FUT8: variants seen among roughly 807,000 people sequenced by gnomAD.
FUT8 encodes the protein alpha-(1,6)-fucosyltransferase.
FUT8 carries 29 observed loss-of-function variants against 71.3 expected under a neutral mutation model. The observed-to-expected ratio is 0.41, with a 90% CI of 0.30 to 0.55. FUT8 has a LOEUF of 0.55. Ranked by LOEUF, FUT8 falls within the 20% of genes least tolerant of loss-of-function variation. The pLI is 0.34. For missense variants in FUT8, 544 were observed against 702.1 expected (o/e 0.77, Z 2.55); for synonymous variants, 254 against 239.3 (o/e 1.06, Z -0.57).
the FUT8 span, among the ~76,000 whole-genome samples, chr14:65,378,307 C>T: frequency 8.7e-4 from 132 of 152,148 alleles, no homozygotes; most frequent in Non-Finnish European, 1.6e-3. Context: ...TTCTTTAACC[C>T]GAGGCACCAG....
At chr14:65,469,430 G>A (rs2139623282) in intron 2 of FUT8, among the ~76,000 whole-genome samples, 1 of 152,290 alleles carries the variant, frequency 6.6e-6, no homozygotes, top group Admixed American at 6.5e-5. Flanking sequence ...TGTTTGTTCT[G>A]GCTGTGGTAT....
chr14:65,564,974 A>AATC (rs1886112899), intron 3 of FUT8, among the ~76,000 whole-genome samples: 1 of 151,994 alleles, frequency 6.6e-6, no homozygotes, highest in Non-Finnish European at 1.5e-5. Flanking sequence ...GACACTGGAT[A>AATC]GTTTATAGAG....
chr14:65,404,568 C>T, the FUT8 span, among the ~76,000 whole-genome samples: 1 of 151,984 alleles, frequency 6.6e-6, no homozygotes, highest in Non-Finnish European at 1.5e-5. Flanking sequence ...CTCTGCCTCC[C>T]GGGTCAAGCA....
chr14:65,532,326 A>G (rs1884009323), intron 2 of FUT8, among the ~76,000 whole-genome samples: 1 of 152,156 alleles, frequency 6.6e-6, no homozygotes, highest in South Asian at 2.1e-4. Context: ...GACTAATGTG[A>G]GATGGTATAT....
At chr14:65,608,722 C>G (rs1888719200) in intron 3 of FUT8, among the ~76,000 whole-genome samples, 1 of 151,862 alleles carries the variant, frequency 6.6e-6, no homozygotes, top group Non-Finnish European at 1.5e-5. Context: ...ACAGGAAACC[C>G]TAGTGATTAG....
At chr14:65,704,040 C>T (rs1594918130) in intron 7 of FUT8, among the ~76,000 whole-genome samples, 1 of 152,084 alleles carries the variant, frequency 6.6e-6, no homozygotes, top group African/African-American at 2.4e-5. Flanking sequence ...GGGTATTGAC[C>T]TTTACGTATA....
chr14:65,452,141 C>T (rs2065837035), intron 1 of FUT8, among the ~76,000 whole-genome samples: 1 of 152,096 alleles, frequency 6.6e-6, no homozygotes, highest in South Asian at 2.1e-4. Context: ...CCTATTTATG[C>T]TTCTTTGCTT....
At chr14:65,557,633 T>C (rs1212335179) in intron 2 of FUT8, among the ~76,000 whole-genome samples, 1 of 131,276 alleles carries the variant, frequency 7.6e-6, no homozygotes, top group East Asian at 2.1e-4. Flanking sequence ...GCCCAGCCAA[T>C]TTTGTCTCTT....
At position 65,528,350 on chromosome 14, in the gene FUT8, G is replaced by A. The variant is rs145967881; in HGVS notation, c.-227-32987G>A. ...CGTGGACATGGGACCCTCCGAGCCA[G>A]GCGCGGGATATAATCTCCCGGTGTG... On this transcript the variant is annotated intron_variant, in intron 2 of 10. Transcript: ENST00000673929. 3.2e-3 allele frequency among the ~76,000 whole-genome samples: 495 copies of A among 152,360 alleles called. 2 individuals carry two copies. In the East Asian group the frequency reaches 0.035, roughly 11 times the overall value.
chr14:65,412,203 TG>T (rs1369018025), upstream of FUT8: 1 of 456,694 alleles, frequency 2.2e-6, no homozygotes, highest in Admixed American at 2.3e-5. Context: ...CTGAGTCTCC[TG>T]GGGGAGCGAT....
intron 6 of FUT8, among the ~76,000 whole-genome samples, chr14:65,666,497 C>T (rs911279116): frequency 5.9e-5 from 9 of 152,138 alleles, no homozygotes; most frequent in African/African-American, 2.2e-4. Flanking sequence ...AATTCATACC[C>T]TGAACAGACC....
At position 65,625,305 on chromosome 14, in the gene FUT8, CTT is replaced by C. The variant is rs575415044; in HGVS notation, c.483-4184_483-4183del. ...CCTATAGCCCTATTATAGTTAAAGACTTTTGTGTTTCCATGAGCAACTCACAA... is the reference window on the plus strand; with the variant it reads ...CCTATAGCCCTATTATAGTTAAAGACTTGTGTTTCCATGAGCAACTCACAA... On this transcript the variant is annotated intron_variant, in intron 5 of 10. Coordinates refer to ENST00000673929, the MANE Select transcript of FUT8 (RefSeq NM_001371533.1). Among the ~76,000 whole-genome samples, 229 of 152,182 alleles carry C rather than the reference CTT, an allele frequency of 1.5e-3. 1 individual carries two copies. Among genetic ancestry groups the C allele is most frequent in the African/African-American group, 5.0e-3 (208 of 41,538 alleles).
At position 65,467,168 on chromosome 14, in the gene FUT8, G is replaced by A. The variant is rs1187094714; in HGVS notation, c.-228+11450G>A. On this transcript the variant is annotated intron_variant, in intron 2 of 10. Transcript: ENST00000673929. The surrounding 1 kb of genome is among the most constrained non-coding windows in gnomAD (Gnocchi z 4.1). ...ATTTCTTGCAAGTCATGTTTATTGG[G>A]TTTCATTTCTCCCAGTTTTTATTTC... Among the ~76,000 whole-genome samples the A allele has an allele frequency of 5.9e-5, 9 of 151,880 alleles. No homozygotes were observed. The East Asian group carries it at 1.7e-3, about 29-fold the overall frequency.
chr14:65,713,520 C>T (rs1443813576), intron 7 of FUT8, among the ~76,000 whole-genome samples: 2 of 152,158 alleles, frequency 1.3e-5, no homozygotes, highest in East Asian at 3.8e-4. Flanking sequence ...TTCCCACCAA[C>T]AGTGTATGAG....
At chr14:65,651,526 A>AT (rs1281639451) in intron 6 of FUT8, among the ~76,000 whole-genome samples, 1 of 152,224 alleles carries the variant, frequency 6.6e-6, no homozygotes, top group Non-Finnish European at 1.5e-5. Flanking sequence ...AACCAAGAAA[A>AT]TCTTAATTCG....
chr14:65,650,707 CAA>C (rs57971519), intron 6 of FUT8, among the ~76,000 whole-genome samples: 20,011 of 119,302 alleles, frequency 0.17, 1,777 homozygotes, highest in East Asian at 0.45. Flanking sequence ...CTGCTAATTA[CAA>C]AAAAAAAAAA....
At chr14:65,394,248 T>A in the FUT8 span, among the ~76,000 whole-genome samples, 12 of 152,214 alleles carry the variant, frequency 7.9e-5, no homozygotes, top group African/African-American at 2.9e-4. Flanking sequence ...CATGAGCCAC[T>A]GTGCCTGGCC....
intron 2 of FUT8, among the ~76,000 whole-genome samples, chr14:65,514,824 A>C (rs1025310821): frequency 1.3e-5 from 2 of 152,112 alleles, no homozygotes; most frequent in Admixed American, 1.3e-4. Flanking sequence ...TCATCAAATC[A>C]CTTCTTTACC....
upstream of FUT8, among the ~76,000 whole-genome samples, chr14:65,408,606 G>A (rs1595332331): frequency 6.6e-6 from 1 of 152,186 alleles, no homozygotes; most frequent in African/African-American, 2.4e-5. Flanking sequence ...GGAAGGACGG[G>A]AGTGAATGTT....
Sources: gnomAD v4.1 joint callset for allele counts (sites outside exome capture counted in the v4.1 genomes callset) on GRCh38, gnomAD v4.1.1 for gene constraint, Gnocchi (gnomAD v3.1) non-coding constraint, MANE v1.5 for transcripts, NCBI Gene and HGNC (gene_info 2026-07-23, HGNC 2026-07-21) for gene names.